RABGAP1L: variants seen among roughly 807,000 people sequenced by gnomAD.
The protein encoded by RABGAP1L is RAB GTPase activating protein 1 like.
RABGAP1L carries 63 observed loss-of-function variants against 137.7 expected under a neutral mutation model. That is an observed-to-expected ratio of 0.46 (90% confidence interval 0.37 to 0.56). The LOEUF (loss-of-function observed/expected upper bound fraction) is 0.56. RABGAP1L is among the 20% of genes least tolerant of loss of function. The pLI is 0.00. For synonymous variants in RABGAP1L, 431 were observed against 433.7 expected (o/e 0.99, Z 0.08); for missense variants, 1,095 against 1,244.0 (o/e 0.88, Z 1.80).
intron 14 of RABGAP1L, among the ~76,000 whole-genome samples, chr1:174,682,271 ACTCTCTCTCT>A (rs148219630): frequency 1.4e-5 from 2 of 140,690 alleles, no homozygotes; most frequent in African/African-American, 5.3e-5. Flanking sequence ...ACAAAGCAAA[ACTCTCTCTCT>A]CTCTCTCTCT....
At chr1:174,491,096 C>T (rs1346611900) in intron 13 of RABGAP1L, among the ~76,000 whole-genome samples, 1 of 152,118 alleles carries the variant, frequency 6.6e-6, no homozygotes, top group Non-Finnish European at 1.5e-5. Context: ...AGATGCAAGA[C>T]AAAGTCCTGT....
At chr1:174,726,451 T>A (rs1021949927) in intron 17 of RABGAP1L, among the ~76,000 whole-genome samples, 31 of 152,138 alleles carry the variant, frequency 2.0e-4, no homozygotes, top group South Asian at 1.2e-3. Flanking sequence ...CTTTTTTTTT[T>A]ATTTTTCACA....
At chr1:174,404,508 T>C (rs1021037122) in intron 13 of RABGAP1L, among the ~76,000 whole-genome samples, 1 of 152,132 alleles carries the variant, frequency 6.6e-6, no homozygotes, top group Non-Finnish European at 1.5e-5. Flanking sequence ...AACAAATACA[T>C]ATCATGGTAA....
intron 13 of RABGAP1L, among the ~76,000 whole-genome samples, chr1:174,529,866 AC>A (rs1664236724): frequency 1.3e-5 from 2 of 151,936 alleles, no homozygotes; most frequent in African/African-American, 4.8e-5. Flanking sequence ...GGAAAGGCCC[AC>A]CCTCAGGCCC....
At chr1:174,268,730 G>C (rs1211132344) in intron 7 of RABGAP1L, among the ~76,000 whole-genome samples, 1 of 152,120 alleles carries the variant, frequency 6.6e-6, no homozygotes, top group African/African-American at 2.4e-5. Flanking sequence ...AGCCGTATTA[G>C]TGATACAGAG....
chr1:174,648,968 CTT>C (rs958197796), intron 14 of RABGAP1L, among the ~76,000 whole-genome samples: 1 of 152,024 alleles, frequency 6.6e-6, no homozygotes, highest in African/African-American at 2.4e-5. Flanking sequence ...CCATCTTTGA[CTT>C]TTTTGATCTT....
chr1:174,372,555 T>C (rs1325813096), intron 12 of RABGAP1L, among the ~76,000 whole-genome samples: 1 of 152,194 alleles, frequency 6.6e-6, no homozygotes, highest in Non-Finnish European at 1.5e-5. Context: ...CAGGAGGTTT[T>C]GGTCCTTGAC....
At chr1:174,438,744 G>GTGTATA (rs1161311071) in intron 13 of RABGAP1L, among the ~76,000 whole-genome samples, 76 of 95,444 alleles carry the variant, frequency 8.0e-4, no homozygotes, top group East Asian at 3.7e-3. Context: ...GTGTGTGTGT[G>GTGTATA]TATATATATA....
intron 1 of RABGAP1L, among the ~76,000 whole-genome samples, chr1:174,213,263 A>G (rs1669038695): frequency 6.6e-6 from 1 of 152,116 alleles, no homozygotes. Context: ...TGTCTCTACT[A>G]AAAATACAAA....
At chr1:174,959,238 G>A (rs12126129) in intron 20 of RABGAP1L, among the ~76,000 whole-genome samples, 28,209 of 152,102 alleles carry the variant, frequency 0.19, 3,457 homozygotes, top group Non-Finnish European at 0.27. Context: ...CACATAGCAT[G>A]CTGCTTTAGA....
Position 174,854,795 on chromosome 1 carries a change from C to T in RABGAP1L, c.2340+42835C>T, listed in dbSNP as rs537778239. ...TCTCACTCTGTCACCCAGGCTGGAG[C>T]GCAGTGATCTTGGCTCACTGTAACC... On this transcript the variant is annotated intron_variant, in intron 19 of 25. Transcript: ENST00000681986. Among the ~76,000 whole-genome samples the T allele has an allele frequency of 5.1e-5, 6 of 116,692 alleles. No homozygotes were observed. The East Asian group carries it at 7.4e-4, about 14-fold the overall frequency. The allele number at this position is 116,692 out of a possible 152,430, so 76.6% of individuals were successfully genotyped here. A position where few individuals can be genotyped will look rare whatever the true frequency, so the allele number is the denominator to read the frequency against.
intron 13 of RABGAP1L, among the ~76,000 whole-genome samples, chr1:174,471,148 A>G (rs918873102): frequency 1.3e-5 from 2 of 152,078 alleles, no homozygotes; most frequent in East Asian, 1.9e-4. Flanking sequence ...TTCTATTTCT[A>G]TATTCGTGTA....
intron 13 of RABGAP1L, among the ~76,000 whole-genome samples, chr1:174,546,369 A>T (rs930089130): frequency 1.8e-4 from 28 of 152,208 alleles, no homozygotes; most frequent in Non-Finnish European, 3.7e-4. Flanking sequence ...TTAGGTATAA[A>T]TATATTGAGA....
chr1:174,583,585 T>C (rs1444094626), intron 13 of RABGAP1L, among the ~76,000 whole-genome samples: 2 of 152,198 alleles, frequency 1.3e-5, no homozygotes, highest in Non-Finnish European at 2.9e-5. Context: ...GATTCACCAA[T>C]GGAGACTAAA....
rs1221227652 is a variant in RABGAP1L, at chr1:174,990,410, T to C, written c.*409T>C. ...GATCTTTGTCACAGGAAAAAAAAAA[T>C]TGAAACCTAAACATCTTAAGTTTTC... On this transcript the variant is annotated 3_prime_UTR_variant, in exon 26 of 26. Transcript: ENST00000681986. 2.0e-5 allele frequency: 3 copies of C among 153,014 alleles called. No homozygotes were observed. The highest frequency in any genetic ancestry group is 7.3e-5 in the African/African-American group (3 of 41,220). The allele number at this position is 153,014 out of a possible 1,614,324, so 9.5% of individuals were successfully genotyped here. A position where few individuals can be genotyped will look rare whatever the true frequency, so the allele number is the denominator to read the frequency against.
chr1:174,614,150 C>T (rs1389115957), intron 13 of RABGAP1L, among the ~76,000 whole-genome samples: 4 of 152,070 alleles, frequency 2.6e-5, no homozygotes, highest in Non-Finnish European at 4.4e-5. Flanking sequence ...TTCTTCCTAG[C>T]CTCGATGGTC....
At chr1:174,515,522 T>C (rs901219755) in intron 13 of RABGAP1L, among the ~76,000 whole-genome samples, 2 of 152,170 alleles carry the variant, frequency 1.3e-5, no homozygotes, top group Admixed American at 1.3e-4. Flanking sequence ...TATTATACTG[T>C]AGTTTGAAGA....
chr1:174,377,661 T>G (rs1392416597), intron 12 of RABGAP1L, among the ~76,000 whole-genome samples: 1 of 151,918 alleles, frequency 6.6e-6, no homozygotes, highest in African/African-American at 2.4e-5. Context: ...GAGATACCAC[T>G]TCATACCCAC....
intron 19 of RABGAP1L, among the ~76,000 whole-genome samples, chr1:174,816,147 C>CT (rs67065448): frequency 0.51 from 43,479 of 85,930 alleles, 12,308 homozygotes; most frequent in South Asian, 0.64. Context: ...TAATACATAG[C>CT]TTTTTTTTTT....
Sources: gnomAD v4.1 joint callset for allele counts (sites outside exome capture counted in the v4.1 genomes callset) on GRCh38, gnomAD v4.1.1 for gene constraint, MANE v1.5 for transcripts, NCBI Gene and HGNC (gene_info 2026-07-23, HGNC 2026-07-21) for gene names.